CAMK1D: variants seen among roughly 807,000 people sequenced by gnomAD.
CAMK1D encodes the protein calcium/calmodulin dependent protein kinase ID.
CAMK1D carries 9 observed loss-of-function variants against 47.7 expected under a neutral mutation model. The observed-to-expected ratio is 0.19, with a 90% CI of 0.11 to 0.33. The LOEUF (loss-of-function observed/expected upper bound fraction) is 0.33, where lower values mean the gene tolerates loss of function less well. CAMK1D is among the 10% of genes least tolerant of loss of function. The pLI, the probability that CAMK1D is intolerant of heterozygous loss-of-function variation, is 1.00. For missense variants in CAMK1D, 291 were observed against 488.7 expected (o/e 0.60, Z 3.81); for synonymous variants, 184 against 184.9 (o/e 0.99, Z 0.04).
chr10:12,529,608 G>A (rs1835739411), intron 1 of CAMK1D, among the ~76,000 whole-genome samples: 1 of 152,160 alleles, frequency 6.6e-6, no homozygotes, highest in Non-Finnish European at 1.5e-5. Flanking sequence ...GCGTTTAGTA[G>A]TGGGTCTGTG....
At chr10:12,584,393 A>G (rs1837754166) in intron 2 of CAMK1D, among the ~76,000 whole-genome samples, 1 of 152,194 alleles carries the variant, frequency 6.6e-6, no homozygotes, top group Non-Finnish European at 1.5e-5. Context: ...TGATGGTGAT[A>G]ATGGTCATAG....
At chr10:12,637,455 T>C (rs528783120) in intron 2 of CAMK1D, among the ~76,000 whole-genome samples, 1 of 152,312 alleles carries the variant, frequency 6.6e-6, no homozygotes, top group East Asian at 1.9e-4. Context: ...TCTGCGTCTT[T>C]CTTTAATGCA....
At chr10:12,444,916 A>C (rs969317693) in intron 1 of CAMK1D, among the ~76,000 whole-genome samples, 8 of 152,184 alleles carry the variant, frequency 5.3e-5, no homozygotes, top group Non-Finnish European at 1.2e-4. Flanking sequence ...TGGAACAGGA[A>C]AAGATGTGGA....
chr10:12,630,737 A>G (rs1441089933), intron 2 of CAMK1D, among the ~76,000 whole-genome samples: 1 of 151,854 alleles, frequency 6.6e-6, no homozygotes, highest in African/African-American at 2.4e-5. Flanking sequence ...TGCTCTCTTT[A>G]TCTTACCAGT....
At chr10:12,380,263 C>G (rs1386172500) in intron 1 of CAMK1D, among the ~76,000 whole-genome samples, 1 of 152,040 alleles carries the variant, frequency 6.6e-6, no homozygotes, top group Non-Finnish European at 1.5e-5. Flanking sequence ...AGGTGAAACC[C>G]TTTTTCCTTA....
chr10:12,793,549 C>T (rs1326035923), intron 6 of CAMK1D, among the ~76,000 whole-genome samples: 1 of 152,244 alleles, frequency 6.6e-6, no homozygotes, highest in Non-Finnish European at 1.5e-5. Flanking sequence ...TTCTTACGGT[C>T]TGGAGGCTGG....
intron 6 of CAMK1D, among the ~76,000 whole-genome samples, chr10:12,793,824 G>A (rs899724786): frequency 3.3e-5 from 5 of 152,358 alleles, no homozygotes; most frequent in South Asian, 2.1e-4. Flanking sequence ...CGTGTTGGCA[G>A]TAGGCAACTA....
intron 6 of CAMK1D, among the ~76,000 whole-genome samples, chr10:12,808,172 T>G (rs1235681980): frequency 6.6e-6 from 1 of 152,220 alleles, no homozygotes; most frequent in Non-Finnish European, 1.5e-5. Flanking sequence ...GGCATAGGCA[T>G]CCACTTCCTC....
chr10:12,583,225 C>T (rs1002025927), intron 2 of CAMK1D, among the ~76,000 whole-genome samples: 1 of 152,160 alleles, frequency 6.6e-6, no homozygotes, highest in African/African-American at 2.4e-5. Flanking sequence ...AGTTGTAGCT[C>T]TATCTAGAGA....
intron 1 of CAMK1D, among the ~76,000 whole-genome samples, chr10:12,406,969 G>A (rs1839454795): frequency 6.6e-6 from 1 of 152,104 alleles, no homozygotes; most frequent in African/African-American, 2.4e-5. Flanking sequence ...CCGCAGACTT[G>A]CTTTCTTTCT....
In CAMK1D at chr10:12,497,133, C is replaced by CT. The variant is rs769343741; in HGVS notation, c.93-56091dup. Among the ~76,000 whole-genome samples the CT allele has an allele frequency of 5.7e-4, 86 of 152,156 alleles. 2 individuals carry two copies. Among genetic ancestry groups the CT allele is most frequent in the Non-Finnish European group, 1.9e-4 (13 of 68,044 alleles). ...ATGTACCACATTTTCTTTATCCAGT[C>CT]TATCATTGATGGGCATTTGGGTTGA... On this transcript the variant is annotated intron_variant, in intron 1 of 10. Coordinates refer to ENST00000619168, the MANE Select transcript of CAMK1D (RefSeq NM_153498.4).
chr10:12,407,294 G>A (rs886763908), intron 1 of CAMK1D, among the ~76,000 whole-genome samples: 6 of 152,238 alleles, frequency 3.9e-5, no homozygotes, highest in Admixed American at 3.9e-4. Context: ...CTGTCACCCA[G>A]CCCCAGCTTA....
intron 3 of CAMK1D, among the ~76,000 whole-genome samples, chr10:12,695,800 C>T (rs1232895363): frequency 3.3e-5 from 5 of 152,210 alleles, no homozygotes; most frequent in Admixed American, 1.3e-4. Context: ...GAATACTGGC[C>T]GGGCATGGGG....
intron 2 of CAMK1D, among the ~76,000 whole-genome samples, chr10:12,566,250 T>C (rs1837121063): frequency 6.6e-6 from 1 of 152,118 alleles, no homozygotes; most frequent in African/African-American, 2.4e-5. Context: ...GGGGGAAGGT[T>C]CCTTCCCAGA....
intron 1 of CAMK1D, among the ~76,000 whole-genome samples, chr10:12,421,929 GC>G (rs1315326956): frequency 6.6e-6 from 1 of 151,900 alleles, no homozygotes; most frequent in Non-Finnish European, 1.5e-5. Context: ...CGATTATCCC[GC>G]CTCAGCCTCC....
intron 2 of CAMK1D, among the ~76,000 whole-genome samples, chr10:12,557,818 G>A (rs752132569): frequency 3.3e-5 from 5 of 152,160 alleles, no homozygotes; most frequent in Non-Finnish European, 5.9e-5. Context: ...CTGCTAAGCC[G>A]GCCCATTGGA....
intron 1 of CAMK1D, among the ~76,000 whole-genome samples, chr10:12,525,521 T>G (rs1342530228): frequency 1.3e-5 from 2 of 152,198 alleles, no homozygotes; most frequent in African/African-American, 4.8e-5. Context: ...TAGTGAATTT[T>G]TAAAAAAATT....
At chr10:12,491,317 G>A (rs1049721936) in intron 1 of CAMK1D, among the ~76,000 whole-genome samples, 7 of 152,180 alleles carry the variant, frequency 4.6e-5, no homozygotes, top group African/African-American at 1.7e-4. Flanking sequence ...CTTCACACCA[G>A]TGACAGAGGT....
At chr10:12,545,675 C>CTGT (rs999804248) in intron 1 of CAMK1D, among the ~76,000 whole-genome samples, 3 of 151,504 alleles carry the variant, frequency 2.0e-5, no homozygotes, top group African/African-American at 7.3e-5. Context: ...TGGCGGGCAC[C>CTGT]TGTAATCCCA....
Sources: allele counts gnomAD v4.1 joint callset (sites outside exome capture counted in the v4.1 genomes callset), GRCh38; gene constraint gnomAD v4.1.1; transcripts MANE v1.5; gene names NCBI Gene and HGNC (gene_info 2026-07-23, HGNC 2026-07-21).